GOLGA5: variants seen among roughly 807,000 people sequenced by gnomAD.
The protein encoded by GOLGA5 is golgin A5.
GOLGA5 carries 50 observed loss-of-function variants against 93.5 expected under a neutral mutation model. That is an observed-to-expected ratio of 0.53 (90% CI 0.43 to 0.68). The LOEUF is 0.68. Ranked by LOEUF, GOLGA5 falls within the 30% of genes least tolerant of loss-of-function variation. The pLI, the probability that GOLGA5 is intolerant of heterozygous loss-of-function variation, is 0.00. For missense variants in GOLGA5, 760 were observed against 856.4 expected, an observed-to-expected ratio of 0.89 and a Z score of 1.40; for synonymous variants, 312 against 304.5, an observed-to-expected ratio of 1.02 and a Z score of -0.26.
intron 7 of GOLGA5, among the ~76,000 whole-genome samples, chr14:92,819,209 T>A (rs945804948): frequency 2.0e-5 from 3 of 152,224 alleles, no homozygotes; most frequent in African/African-American, 7.2e-5. Flanking sequence ...GCTTATGTGC[T>A]GCAGCAGCTG....
chr14:92,834,418 A>G (rs1484863684), intron 10 of GOLGA5, among the ~76,000 whole-genome samples: 2 of 148,614 alleles, frequency 1.3e-5, no homozygotes, highest in African/African-American at 5.0e-5. Context: ...ATGTGTTCTC[A>G]TTGTTCAATT....
At position 92,839,494 on chromosome 14, in the gene GOLGA5, G is replaced by A. The variant is rs139012069; in HGVS notation, c.*48G>A. On this transcript the variant is annotated 3_prime_UTR_variant, in exon 13 of 13. Transcript: ENST00000163416. ...ATTGGTTGTCTTTTTCTAGACTTGGGATCTGCAAGAAGGCCAATTGCCTAA... is the reference window on the plus strand; with the variant it reads ...ATTGGTTGTCTTTTTCTAGACTTGGAATCTGCAAGAAGGCCAATTGCCTAA... The A allele has an allele frequency of 5.4e-4, 698 of 1,292,402 alleles. 3 individuals carry two copies. In the African/African-American group the frequency reaches 9.0e-3, roughly 17 times the overall value. 80.1% of individuals were successfully genotyped at this position (1,292,402 alleles called of 1,614,324 possible).
chr14:92,821,310 C>T (rs1415423222), intron 8 of GOLGA5, among the ~76,000 whole-genome samples: 1 of 152,130 alleles, frequency 6.6e-6, no homozygotes, highest in Non-Finnish European at 1.5e-5. Flanking sequence ...TATACAGACT[C>T]TTCTAACAAA....
intron 9 of GOLGA5, among the ~76,000 whole-genome samples, chr14:92,830,621 C>G (rs565866791): frequency 3.9e-4 from 59 of 152,108 alleles, no homozygotes; most frequent in Admixed American, 2.4e-3. Context: ...TTTTGGGAGA[C>G]AGGATATTTG....
At chr14:92,835,844 G>A (rs1041963168) in intron 11 of GOLGA5, among the ~76,000 whole-genome samples, 180 bp downstream of exon 11, 1 of 152,070 alleles carries the variant, frequency 6.6e-6, no homozygotes, top group Non-Finnish European at 1.5e-5. Context: ...CTTTCATGAA[G>A]TGACTTCTTT....
intron 2 of GOLGA5, among the ~76,000 whole-genome samples, chr14:92,802,126 C>G (rs893625868): frequency 2.6e-5 from 4 of 152,146 alleles, no homozygotes; most frequent in Non-Finnish European, 5.9e-5. Flanking sequence ...TGAGAGTCAG[C>G]ACTTTTGCTA....
In GOLGA5 at chr14:92,834,745, G is replaced by T. The variant is rs184696611; in HGVS notation, c.1946-814G>T. ...GCCATTGAAGGATCTTGAGAGGGGG[G>T]ACTGATCTGACTTGCACCTTAATAG... On this transcript the variant is annotated intron_variant, in intron 10 of 12. Coordinates refer to ENST00000163416, the MANE Select transcript of GOLGA5 (RefSeq NM_005113.4). Among the ~76,000 whole-genome samples the T allele has an allele frequency of 5.9e-5, 9 of 152,300 alleles. No individual in the cohort carries two copies. The East Asian group carries it at 7.7e-4, about 13-fold the overall frequency.
chr14:92,810,431 CT>C, intron 5 of GOLGA5, 54 bp downstream of exon 5: 3 of 1,390,288 alleles, frequency 2.2e-6, no homozygotes, highest in South Asian at 2.9e-5. Flanking sequence ...GAAAAAATGA[CT>C]TTATGCTGTT....
chr14:92,815,250 C>T lies in GOLGA5; in HGVS notation c.1321-1001C>T, dbSNP rs114826345. Among the ~76,000 whole-genome samples the T allele has an allele frequency of 7.8e-3, 1,183 of 152,294 alleles. 11 individuals carry two copies. Among genetic ancestry groups the T allele is most frequent in the African/African-American group, 0.027 (1,122 of 41,562 alleles). On this transcript the variant is annotated intron_variant, in intron 6 of 12. Coordinates refer to ENST00000163416, the MANE Select transcript of GOLGA5 (RefSeq NM_005113.4). ...GCTTTGCTCTCTGTTTTTCTCTGCA[C>T]TTTAAAAAAGTCTACCCATATTTCA...
intron 4 of GOLGA5, 22 bp from the exon 5 acceptor site, chr14:92,810,232 C>A: frequency 6.3e-7 from 1 of 1,580,534 alleles, no homozygotes; most frequent in South Asian, 1.1e-5. Flanking sequence ...TGAGTTATTT[C>A]ACATGATGCA....
Position 92,797,893 on chromosome 14 carries a change from C to T in GOLGA5, c.456C>T (p.Ser152=), listed in dbSNP as rs778840316. ...AAGGCAAGACACCTGTCTTTCAGAGCTCTCAGACATCAAGTGTCAGTTCTG... is the reference window on the plus strand; with the variant it reads ...AAGGCAAGACACCTGTCTTTCAGAGTTCTCAGACATCAAGTGTCAGTTCTG... ...KEKGKTPVFQ[S]SQTSSVSSVN... is the part of the protein sequence containing the mutation. Residue 152 remains serine, a synonymous_variant, in exon 2 of 13, where the codon AGC becomes AGT. Transcript: ENST00000163416. 1.9e-6 allele frequency: 3 copies of T among 1,612,338 alleles called. No individual in the cohort carries two copies. The highest frequency in any genetic ancestry group is 2.5e-6 in the Non-Finnish European group (3 of 1,178,528).
At chr14:92,799,530 C>A (rs375496588) in intron 2 of GOLGA5, among the ~76,000 whole-genome samples, 1 of 151,386 alleles carries the variant, frequency 6.6e-6, no homozygotes, top group Non-Finnish European at 1.5e-5. Context: ...GTGATCCGCC[C>A]GCCTCGGCCT....
chr14:92,837,977 A>T (rs566194665), intron 12 of GOLGA5, among the ~76,000 whole-genome samples: 1 of 152,244 alleles, frequency 6.6e-6, no homozygotes, highest in East Asian at 1.9e-4. Context: ...GGCTTTTCCT[A>T]CAAATAAAAT....
At chr14:92,795,150 G>A (rs1884697271) in intron 1 of GOLGA5, among the ~76,000 whole-genome samples, 1 of 152,154 alleles carries the variant, frequency 6.6e-6, no homozygotes, top group South Asian at 2.1e-4. Context: ...TGTTGCCCAG[G>A]CTGGTCTCAA....
chr14:92,808,244 TCAA>T lies in GOLGA5; in HGVS notation c.773-1034_773-1032del, dbSNP rs534764313. Among the ~76,000 whole-genome samples, 14 of 151,588 alleles carry T rather than the reference TCAA, an allele frequency of 9.2e-5. No homozygotes were observed. The South Asian group carries it at 1.3e-3, about 14-fold the overall frequency. On this transcript the variant is annotated intron_variant, in intron 3 of 12. Coordinates refer to ENST00000163416, the MANE Select transcript of GOLGA5 (RefSeq NM_005113.4). ...CCTGAGCTACAGAGCGAGACTCGTC[TCAA>T]CAACAACAACAACAACAACAAAAAC...
intron 5 of GOLGA5, 75 bp downstream of exon 5, chr14:92,810,452 A>G: frequency 4.5e-6 from 5 of 1,108,642 alleles, no homozygotes; most frequent in Non-Finnish European, 6.3e-6. Flanking sequence ...TTCATAGCAC[A>G]TTAACTGTCT....
chr14:92,837,091 G>A (rs557088766), intron 11 of GOLGA5, among the ~76,000 whole-genome samples: 11 of 152,032 alleles, frequency 7.2e-5, no homozygotes, highest in African/African-American at 2.4e-4. Flanking sequence ...AAAAATTAGG[G>A]ATCAAGTTTG....
At position 92,837,552 on chromosome 14, in the gene GOLGA5, GCAAT is replaced by G. The variant is rs762024725; in HGVS notation, c.2115+112_2115+115del. On this transcript the variant is annotated intron_variant, in intron 12 of 12. Coordinates refer to ENST00000163416, the MANE Select transcript of GOLGA5 (RefSeq NM_005113.4). ...GGCTACAGATCTTATTGATATTTTA[GCAAT>G]CAATCAATTTTTTTTTGTTTTTTTT... The G allele has an allele frequency of 1.3e-4, 89 of 670,512 alleles. 1 individual carries two copies. The highest frequency in any genetic ancestry group is 1.1e-3 in the South Asian group (63 of 57,170). 41.5% of individuals were successfully genotyped at this position (670,512 alleles called of 1,614,324 possible).
chr14:92,816,167 T>C (rs1186365642), intron 6 of GOLGA5, 84 bp from the exon 7 acceptor site: 1 of 868,302 alleles, frequency 1.2e-6, no homozygotes, highest in Non-Finnish European at 1.8e-6. Flanking sequence ...TTTTTTTTAG[T>C]GGGTTATTTT....
Sources: gnomAD v4.1 joint callset for allele counts (sites outside exome capture counted in the v4.1 genomes callset) on GRCh38, gnomAD v4.1.1 for gene constraint, MANE v1.5 for transcripts, NCBI Gene and HGNC (gene_info 2026-07-23, HGNC 2026-07-21) for gene names.